SPAST: variants seen among roughly 807,000 people sequenced by gnomAD.
The protein encoded by SPAST is spastin.
In SPAST, 30 loss-of-function variants were observed where a neutral mutation model predicts 76.6. That is an observed-to-expected ratio of 0.39 (90% CI 0.29 to 0.53). The LOEUF is 0.53. SPAST is among the 20% of genes least tolerant of loss of function. SPAST has a pLI of 0.68. For synonymous variants in SPAST, 305 were observed against 281.0 expected (o/e 1.09, Z -0.86); for missense variants, 717 against 770.5 (o/e 0.93, Z 0.82).
intron 7 of SPAST, among the ~76,000 whole-genome samples, chr2:32,121,262 C>T (rs1250104732): frequency 1.3e-5 from 2 of 152,024 alleles, no homozygotes; most frequent in African/African-American, 2.4e-5. Context: ...AAGCGATTCT[C>T]CTGCCTCAGC....
intron 7 of SPAST, among the ~76,000 whole-genome samples, chr2:32,125,556 CAT>C (rs1679163020): frequency 6.6e-6 from 1 of 151,852 alleles, no homozygotes. Context: ...TTAGCCATTT[CAT>C]ATGATTCAAC....
intron 3 of SPAST, among the ~76,000 whole-genome samples, chr2:32,092,493 A>C (rs1677761217): frequency 6.6e-6 from 1 of 152,212 alleles, no homozygotes; most frequent in Admixed American, 6.5e-5. Context: ...GGACATTAGA[A>C]GTATTAATAT....
At chr2:32,092,941 A>T (rs1677778153) in intron 3 of SPAST, among the ~76,000 whole-genome samples, 2 of 146,932 alleles carry the variant, frequency 1.4e-5, no homozygotes. Context: ...CAGAAAATGG[A>T]GGTTGCATTG....
At chr2:32,096,011 G>A (rs1465755131) in intron 3 of SPAST, among the ~76,000 whole-genome samples, 1 of 152,200 alleles carries the variant, frequency 6.6e-6, no homozygotes, top group Non-Finnish European at 1.5e-5. Context: ...TTCCTCTCCA[G>A]TAGATCACTC....
intron 5 of SPAST, among the ~76,000 whole-genome samples, 168 bp downstream of exon 5, chr2:32,114,993 G>C (rs1678772706): frequency 7.5e-6 from 1 of 133,774 alleles, no homozygotes; most frequent in African/African-American, 2.8e-5. Context: ...TTGTTTTCCA[G>C]GCTGGAGTGC....
At position 32,114,641 on chromosome 2, in the gene SPAST, G is replaced by T. The variant is rs766843588; in HGVS notation, c.686G>T (p.Ser229Ile). The change falls in exon 5 of 17, where the codon AGT (serine) becomes ATT (isoleucine). Residue 229 changes from serine to isoleucine, a missense_variant. This residue lies in a region of SPAST where 543 missense variants were observed against 445.2 expected (regional missense o/e 1.22). Transcript: ENST00000315285. ...ACRNGHLQSESGAVPKRKDPL... is the reference protein window; with the variant it reads ...ACRNGHLQSEIGAVPKRKDPL... The stretch of plus-strand genomic sequence containing the variant: ...GGTTTTACTTTTTCCTTGTCAGAAA[G>T]TGGAGCTGTTCCAAAAAGAAAAGAC... The T allele has an allele frequency of 6.2e-7, 1 of 1,613,614 alleles. No individual in the cohort carries two copies. The highest frequency in any genetic ancestry group is 2.2e-5 in the East Asian group (1 of 44,856).
chr2:32,108,560 G>A (rs1302978629), intron 4 of SPAST, among the ~76,000 whole-genome samples: 1 of 151,622 alleles, frequency 6.6e-6, no homozygotes, highest in African/African-American at 2.4e-5. Context: ...CTTTCTCCCA[G>A]GCTGGAGTAC....
At chr2:32,138,444 G>A (rs1679613843) in intron 12 of SPAST, among the ~76,000 whole-genome samples, 1 of 152,116 alleles carries the variant, frequency 6.6e-6, no homozygotes, top group Non-Finnish European at 1.5e-5. Flanking sequence ...TAGTGATGAT[G>A]AGCATTTTTT....
chr2:32,072,828 G>T (rs1676806155), intron 1 of SPAST, among the ~76,000 whole-genome samples: 5 of 152,118 alleles, frequency 3.3e-5, no homozygotes, highest in Admixed American at 3.3e-4. Context: ...CACTTTGAAA[G>T]GATTAATTTC....
chr2:32,069,760 C>T (rs1333064038), intron 1 of SPAST, among the ~76,000 whole-genome samples: 1 of 151,846 alleles, frequency 6.6e-6, no homozygotes, highest in African/African-American at 2.4e-5. Flanking sequence ...GGGGTTTCAC[C>T]GTGTTAGCCA....
At chr2:32,064,276 GGCGCCGGGAAGAAGGCGGTGGGGTCGC>G in intron 1 of SPAST, 30 bp downstream of exon 1, 1 of 1,493,664 alleles carries the variant, frequency 6.7e-7, no homozygotes, top group Non-Finnish European at 9.1e-7. Context: ...AGGGGGCGGC[GGCGCCGGGAAGAAGGCGGTGGGGTCGC>G]CGGGGGAGGG....
chr2:32,076,265 C>T (rs561464138), intron 1 of SPAST, among the ~76,000 whole-genome samples: 5 of 152,214 alleles, frequency 3.3e-5, no homozygotes, highest in Admixed American at 6.5e-5. Context: ...ATGTCAAAAA[C>T]TAGAATGATG....
At chr2:32,117,034 G>A (rs929532473) in intron 7 of SPAST, among the ~76,000 whole-genome samples, 1 of 152,002 alleles carries the variant, frequency 6.6e-6, no homozygotes, top group Non-Finnish European at 1.5e-5. Flanking sequence ...GCTGAGGCGG[G>A]CAGATCACGA....
At chr2:32,070,516 C>T (rs1676705670) in intron 1 of SPAST, among the ~76,000 whole-genome samples, 1 of 152,070 alleles carries the variant, frequency 6.6e-6, no homozygotes, top group Non-Finnish European at 1.5e-5. Context: ...AATTGGAGGC[C>T]AGTTAATTTG....
chr2:32,079,317 A>G (rs1276219335), intron 1 of SPAST, among the ~76,000 whole-genome samples: 1 of 151,718 alleles, frequency 6.6e-6, no homozygotes, highest in East Asian at 2.0e-4. Flanking sequence ...GGAGTTCAAG[A>G]CCAGCCTGGG....
At chr2:32,098,171 T>G (rs1187515680) in intron 3 of SPAST, among the ~76,000 whole-genome samples, 2 of 152,148 alleles carry the variant, frequency 1.3e-5, no homozygotes, top group Non-Finnish European at 2.9e-5. Flanking sequence ...GATTCATTTT[T>G]TAATCTCCGT....
At position 32,155,270 on chromosome 2, in the gene SPAST, T is replaced by C. The variant is rs1301883494; in HGVS notation, c.*774T>C. 6 of 152,610 alleles carry C rather than the reference T, an allele frequency of 3.9e-5. No individual in the cohort carries two copies. Among genetic ancestry groups the C allele is most frequent in the African/African-American group, 9.6e-5 (4 of 41,466 alleles). The allele number at this position is 152,610 out of a possible 1,614,324, so 9.5% of individuals were successfully genotyped here. A position where few individuals can be genotyped will look rare whatever the true frequency, so the allele number is the denominator to read the frequency against. On this transcript the variant is annotated 3_prime_UTR_variant, in exon 17 of 17. Coordinates refer to ENST00000315285, the MANE Select transcript of SPAST (RefSeq NM_014946.4). ...TCATGTGACCTGCAGTATTTTTTTT[T>C]CTAATGTATTTGTCAGAAATCTGTT...
intron 2 of SPAST, among the ~76,000 whole-genome samples, chr2:32,089,199 ATTT>A (rs375585004): frequency 1.6e-4 from 14 of 89,878 alleles, no homozygotes; most frequent in Middle Eastern, 5.5e-3. Flanking sequence ...TGCTCGGCTA[ATTT>A]TTTTTTTTTT....
At chr2:32,074,086 G>A (rs1226855092) in intron 1 of SPAST, among the ~76,000 whole-genome samples, 15 of 152,168 alleles carry the variant, frequency 9.9e-5, no homozygotes, top group Non-Finnish European at 2.9e-5. Flanking sequence ...AAGGGTGTTA[G>A]GAAGATAGGA....
Sources: allele counts gnomAD v4.1 joint callset (sites outside exome capture counted in the v4.1 genomes callset), GRCh38; gene constraint gnomAD v4.1.1; regional missense constraint gnomAD v4.1.1; transcripts MANE v1.5; gene names NCBI Gene and HGNC (gene_info 2026-07-23, HGNC 2026-07-21).